The following MPP7 variants were observed in gnomAD, a reference collection of about 807,000 sequenced individuals.
MPP7 encodes MAGUK p55 scaffold protein 7, also known as MAGUK p55 subfamily member 7.
Under a neutral mutation model 76.5 loss-of-function variants are expected in MPP7, and 60 were observed. The observed-to-expected ratio is 0.78, with a 90% CI of 0.64 to 0.97. The LOEUF is 0.97. Among genes scored for constraint, MPP7 ranks in the 50% least tolerant of loss-of-function variants. The pLI is 0.00. For synonymous variants in MPP7, 237 were observed against 244.5 expected, an observed-to-expected ratio of 0.97 and a Z score of 0.29; for missense variants, 641 against 694.0, an observed-to-expected ratio of 0.92 and a Z score of 0.86.
At chr10:28,209,764 C>A (rs1364215942) in intron 2 of MPP7, among the ~76,000 whole-genome samples, 2 of 152,164 alleles carry the variant, frequency 1.3e-5, no homozygotes, top group African/African-American at 2.4e-5. Context: ...AATAAACAGT[C>A]TTGAGATGGT....
chr10:28,295,741 C>T (rs3842931), intron 1 of MPP7, among the ~76,000 whole-genome samples: 18,002 of 152,292 alleles, frequency 0.12, 1,712 homozygotes, highest in East Asian at 0.48. Context: ...TGTCCCTGCA[C>T]ACACCTGCCG....
chr10:28,301,323 A>G (rs1463718135), intron 1 of MPP7, among the ~76,000 whole-genome samples: 2 of 152,198 alleles, frequency 1.3e-5, no homozygotes, highest in Admixed American at 6.5e-5. Flanking sequence ...ATGCAAACAC[A>G]AATAAGGTTC....
At chr10:28,126,013 G>C (rs993907366) in intron 6 of MPP7, among the ~76,000 whole-genome samples, 3 of 152,152 alleles carry the variant, frequency 2.0e-5, no homozygotes, top group African/African-American at 7.2e-5. Flanking sequence ...TCATCCAAAA[G>C]AAGTGAAATT....
chr10:28,306,586 T>G (rs1393742361), upstream of MPP7, among the ~76,000 whole-genome samples: 1 of 151,924 alleles, frequency 6.6e-6, no homozygotes, highest in Non-Finnish European at 1.5e-5. Flanking sequence ...AGTTCTAGGC[T>G]GCAGTGAACA....
chr10:28,275,894 T>G (rs1289633665), intron 1 of MPP7, among the ~76,000 whole-genome samples: 1 of 152,008 alleles, frequency 6.6e-6, no homozygotes, highest in Non-Finnish European at 1.5e-5. Context: ...GTTAAAAAAT[T>G]GTGGATATGT....
intron 12 of MPP7, among the ~76,000 whole-genome samples, chr10:28,071,209 CCTGAGGAGGT>C (rs1167697143): frequency 2.0e-5 from 3 of 152,154 alleles, no homozygotes; most frequent in African/African-American, 7.2e-5. Context: ...CTTCTTCCAC[CCTGAGGAGGT>C]CACAGGAGGC....
chr10:28,055,305 GA>G (rs1851513159), intron 16 of MPP7, among the ~76,000 whole-genome samples: 1 of 152,122 alleles, frequency 6.6e-6, no homozygotes, highest in Non-Finnish European at 1.5e-5. Flanking sequence ...ACTCAGAACG[GA>G]TATGTACTGT....
At chr10:28,324,424 A>G (rs1834392916) in intron 2 of MPP7, among the ~76,000 whole-genome samples, 1 of 152,222 alleles carries the variant, frequency 6.6e-6, no homozygotes, top group African/African-American at 2.4e-5. Context: ...TAGAAAACAC[A>G]GATAGTAAGA....
At chr10:28,192,451 A>G (rs1837442044) in intron 3 of MPP7, among the ~76,000 whole-genome samples, 1 of 152,190 alleles carries the variant, frequency 6.6e-6, no homozygotes, top group Non-Finnish European at 1.5e-5. Context: ...CCAAAAATCA[A>G]TTGCTTTCCT....
At chr10:28,254,127 C>A (rs902434520) in intron 1 of MPP7, among the ~76,000 whole-genome samples, 2 of 145,980 alleles carry the variant, frequency 1.4e-5, no homozygotes, top group African/African-American at 5.0e-5. Context: ...TCAAAAGATT[C>A]TTTTTACTCT....
intron 2 of MPP7, among the ~76,000 whole-genome samples, chr10:28,310,020 T>TTTAA (rs57172078): frequency 1.6e-4 from 23 of 144,242 alleles, no homozygotes; most frequent in South Asian, 8.8e-4. Context: ...TTTTTTTTTT[T>TTTAA]AAACGGAGTC....
At chr10:28,133,386 A>G (rs376809751) in intron 5 of MPP7, among the ~76,000 whole-genome samples, 14 of 152,142 alleles carry the variant, frequency 9.2e-5, no homozygotes, top group African/African-American at 3.1e-4. Context: ...TCCTCATTCA[A>G]CTTGAATAAC....
intron 12 of MPP7, among the ~76,000 whole-genome samples, chr10:28,081,418 A>C (rs1160738168): frequency 6.6e-6 from 1 of 152,248 alleles, no homozygotes; most frequent in Non-Finnish European, 1.5e-5. Flanking sequence ...TGGTTTCAAC[A>C]TACTTTCTAG....
chr10:28,109,019 C>T (rs909025934), intron 11 of MPP7, among the ~76,000 whole-genome samples: 20 of 151,890 alleles, frequency 1.3e-4, no homozygotes, highest in African/African-American at 4.6e-4. Context: ...CAGTCTCGGT[C>T]GCTCACACCT....
At chr10:28,252,912 T>C (rs943371454) in intron 1 of MPP7, among the ~76,000 whole-genome samples, 1 of 151,798 alleles carries the variant, frequency 6.6e-6, no homozygotes, top group African/African-American at 2.4e-5. Context: ...GCATTTCTTT[T>C]TTTTTGGGAG....
intron 11 of MPP7, among the ~76,000 whole-genome samples, chr10:28,108,407 C>A (rs966924869): frequency 6.6e-6 from 1 of 152,104 alleles, no homozygotes; most frequent in Admixed American, 6.5e-5. Flanking sequence ...ATAATCTCAG[C>A]ACTTTGGGAG....
chr10:28,287,562 TC>T (rs1190432632), intron 1 of MPP7, among the ~76,000 whole-genome samples: 1 of 152,180 alleles, frequency 6.6e-6, no homozygotes, highest in African/African-American at 2.4e-5. Flanking sequence ...AAATACTGGC[TC>T]ATGGAAATAA....
chr10:28,179,106 G>A (rs550838317), intron 3 of MPP7, among the ~76,000 whole-genome samples: 1 of 152,036 alleles, frequency 6.6e-6, no homozygotes, highest in African/African-American at 2.4e-5. Flanking sequence ...CCATTACAAC[G>A]ACTGGGGTGC....
chr10:28,171,455 G>A (rs1238465420), intron 3 of MPP7, among the ~76,000 whole-genome samples: 1 of 152,010 alleles, frequency 6.6e-6, no homozygotes, highest in African/African-American at 2.4e-5. Context: ...GTTAGTCTTG[G>A]TTGCCAATAT....
Sources: allele counts gnomAD v4.1 joint callset (sites outside exome capture counted in the v4.1 genomes callset), GRCh38; gene constraint gnomAD v4.1.1; transcripts MANE v1.5; gene names NCBI Gene and HGNC (gene_info 2026-07-23, HGNC 2026-07-21).